SH3TC2: variants seen among roughly 807,000 people sequenced by gnomAD.
SH3TC2 encodes SH3 domain and tetratricopeptide repeats 2, also known as SH3 domain and tetratricopeptide repeat-containing protein 2.
In SH3TC2, 87 loss-of-function variants were observed where a neutral mutation model predicts 124.5. That is an observed-to-expected ratio of 0.70 (90% confidence interval 0.59 to 0.84). The LOEUF (loss-of-function observed/expected upper bound fraction) is 0.84. Among genes scored for constraint, SH3TC2 ranks in the 40% least tolerant of loss-of-function variants. The pLI, the probability that SH3TC2 is intolerant of heterozygous loss-of-function variation, is 0.00. For synonymous variants in SH3TC2, 634 were observed against 628.5 expected, an observed-to-expected ratio of 1.01 and a Z score of -0.13; for missense variants, 1,536 against 1,566.4, an observed-to-expected ratio of 0.98 and a Z score of 0.33.
At position 149,044,514 on chromosome 5, in the gene SH3TC2, T is replaced by C; in HGVS notation, c.385+19A>G. The stretch of plus-strand genomic sequence containing the variant: ...ATTGTGGAGGAGGTCATCCTCCACC[T>C]GCTTGCCTTGTACCATACCTAAATT... On this transcript the variant is annotated intron_variant, in intron 4 of 16. Transcript: ENST00000515425. 6.2e-7 allele frequency: 1 copy of C among 1,602,330 alleles called. No homozygotes were observed. Among genetic ancestry groups the C allele is most frequent in the South Asian group, 1.1e-5 (1 of 90,812 alleles).
At chr5:149,053,995 T>C (rs1319366070) in intron 1 of SH3TC2, among the ~76,000 whole-genome samples, 1 of 152,200 alleles carries the variant, frequency 6.6e-6, no homozygotes, top group Non-Finnish European at 1.5e-5. Context: ...ATGGGGTGAC[T>C]GTAGTCAACA....
Position 148,992,243 on chromosome 5 carries a change from C to T in SH3TC2, c.*12468G>A, listed in dbSNP as rs1480344264. Among the ~76,000 whole-genome samples the T allele has an allele frequency of 1.3e-5, 2 of 152,224 alleles. No homozygotes were observed. Among genetic ancestry groups the T allele is most frequent in the African/African-American group, 4.8e-5 (2 of 41,452 alleles). On this transcript the variant is annotated 3_prime_UTR_variant, in exon 17 of 17. Coordinates refer to ENST00000515425, the MANE Select transcript of SH3TC2 (RefSeq NM_024577.4). ...AGTGCCTTGCCCAAGGTCATGCACA[C>T]AGTGGGGATTTTTACCCAGGTAGCA...
rs1046547394 is a variant in SH3TC2, at chr5:148,999,199, C to G, written c.*5512G>C. Among the ~76,000 whole-genome samples, 1 of 152,186 alleles carries G rather than the reference C, an allele frequency of 6.6e-6. No individual in the cohort carries two copies. Among genetic ancestry groups the G allele is most frequent in the African/African-American group, 2.4e-5 (1 of 41,436 alleles). The stretch of plus-strand genomic sequence containing the variant: ...GACCCAAGTGTCCCTGAATGCAGGA[C>G]CAGGGTGCCTGGCCACACCTCCAGG... On this transcript the variant is annotated 3_prime_UTR_variant, in exon 17 of 17. Transcript: ENST00000515425.
At position 148,988,098 on chromosome 5, in the gene SH3TC2, A is replaced by C. The variant is rs1231177383; in HGVS notation, c.*16613T>G. Among the ~76,000 whole-genome samples the C allele has an allele frequency of 6.6e-6, 1 of 152,186 alleles. No individual in the cohort carries two copies. The highest frequency in any genetic ancestry group is 1.5e-5 in the Non-Finnish European group (1 of 68,038). ...ATTTTTCCTGCATGTCTTAAGGACA[A>C]GGCTGGGTTCTTTTGGCCTTACTGG... On this transcript the variant is annotated 3_prime_UTR_variant, in exon 17 of 17. Transcript: ENST00000515425.
At chr5:149,013,342 G>A (rs1753816636) in intron 12 of SH3TC2, among the ~76,000 whole-genome samples, 1 of 152,090 alleles carries the variant, frequency 6.6e-6, no homozygotes, top group African/African-American at 2.4e-5. Context: ...CATTTAAGAT[G>A]TGCCTTTGCT....
chr5:149,061,673 AAG>A (rs1416354443), intron 1 of SH3TC2, among the ~76,000 whole-genome samples: 1 of 152,222 alleles, frequency 6.6e-6, no homozygotes, highest in Admixed American at 6.5e-5. Context: ...CTCAAAGACC[AAG>A]TGAGTAGCCA....
At position 149,003,072 on chromosome 5, in the gene SH3TC2, A is replaced by G. The variant is rs1007400; in HGVS notation, c.*1639T>C. On this transcript the variant is annotated 3_prime_UTR_variant, in exon 17 of 17. Transcript: ENST00000515425. Reference sequence around the variant, plus strand: ...TGCTGATGCTGCTGGTTAGTGGACCATATTTTCAGTTTGCTGAAATTAGAG... The same window carrying G: ...TGCTGATGCTGCTGGTTAGTGGACCGTATTTTCAGTTTGCTGAAATTAGAG... 34,997 of 152,396 alleles carry G rather than the reference A, an allele frequency of 0.23. 4,548 individuals carry two copies. Among genetic ancestry groups the G allele is most frequent in the African/African-American group, 0.32 (13,372 of 41,500 alleles). The allele number at this position is 152,396 out of a possible 1,614,324, so 9.4% of individuals were successfully genotyped here.
intron 12 of SH3TC2, among the ~76,000 whole-genome samples, chr5:149,018,263 G>T (rs1332922589): frequency 6.6e-6 from 1 of 151,992 alleles, no homozygotes; most frequent in Non-Finnish European, 1.5e-5. Context: ...GTACAGGTCT[G>T]GATACCCATT....
chr5:149,055,916 C>A (rs1478848986), intron 1 of SH3TC2, among the ~76,000 whole-genome samples: 2 of 151,928 alleles, frequency 1.3e-5, no homozygotes, highest in African/African-American at 2.4e-5. Flanking sequence ...ACCCATCCCC[C>A]AAAAATTAAA....
In SH3TC2 at chr5:149,008,237, A is replaced by T. The variant is rs537217757; in HGVS notation, c.3478+614T>A. 1.9e-5 allele frequency: 3 copies of T among 159,536 alleles called. No individual in the cohort carries two copies. The East Asian group carries it at 5.5e-4, about 29-fold the overall frequency. The allele number at this position is 159,536 out of a possible 1,614,324, so 9.9% of individuals were successfully genotyped here. A position where few individuals can be genotyped will look rare whatever the true frequency, so the allele number is the denominator to read the frequency against. The stretch of plus-strand genomic sequence containing the variant: ...AACCTGCTTTTCTTCAAACACCAAC[A>T]TTCAAGATGAGGGGTTTTTAAATCT... On this transcript the variant is annotated intron_variant, in intron 15 of 16. Transcript: ENST00000515425.
Position 149,000,743 on chromosome 5 carries a change from C to T in SH3TC2, c.*3968G>A, listed in dbSNP as rs141949492. On this transcript the variant is annotated 3_prime_UTR_variant, in exon 17 of 17. Coordinates refer to ENST00000515425, the MANE Select transcript of SH3TC2 (RefSeq NM_024577.4). ...CTAAGTCCTTGAGTCATGAGACCCC[C>T]GCCTCAAGTACCACTGTCTTTGCCA... Among the ~76,000 whole-genome samples, 20 of 152,196 alleles carry T rather than the reference C, an allele frequency of 1.3e-4. No homozygotes were observed. Among genetic ancestry groups the T allele is most frequent in the Non-Finnish European group, 2.1e-4 (14 of 68,046 alleles).
At position 148,998,771 on chromosome 5, in the gene SH3TC2, C is replaced by T. The variant is rs1302133729; in HGVS notation, c.*5940G>A. Among the ~76,000 whole-genome samples, 1 of 152,144 alleles carries T rather than the reference C, an allele frequency of 6.6e-6. No homozygotes were observed. Among genetic ancestry groups the T allele is most frequent in the East Asian group, 1.9e-4 (1 of 5,188 alleles). The stretch of plus-strand genomic sequence containing the variant: ...AAGACACCCCTTAGAGGAGGGTGAA[C>T]GAAGTGCACATTCCCAGAGCCAGCA... On this transcript the variant is annotated 3_prime_UTR_variant, in exon 17 of 17. Coordinates refer to ENST00000515425, the MANE Select transcript of SH3TC2 (RefSeq NM_024577.4).
chr5:149,026,752 C>G lies in SH3TC2; in HGVS notation c.2873G>C (p.Ser958Thr), dbSNP rs1205847384. The change falls in exon 12 of 17, where the codon AGT becomes ACT. Residue 958 changes from serine (S) to threonine (T), a missense_variant and splice_region_variant. Ser to Thr is a moderately conservative substitution (Grantham distance 58). Around this residue, in one of 3 missense-constraint regions of SH3TC2, gnomAD observed 426 missense variants for 443.5 expected, o/e 0.96. Coordinates refer to ENST00000515425, the MANE Select transcript of SH3TC2 (RefSeq NM_024577.4). ...GAGGGATTTGGTGGCCTGAAGCTGA[C>G]CTGAACACAAAGCAGGGACATGAAT... Reference protein sequence around the residue: ...LFGLRHRHLKSQLQATKSLCH... With the variant: ...LFGLRHRHLKTQLQATKSLCH... 6.2e-7 allele frequency: 1 copy of G among 1,614,012 alleles called. No individual in the cohort carries two copies. The highest frequency in any genetic ancestry group is 1.7e-5 in the Admixed American group (1 of 60,004).
At position 148,996,668 on chromosome 5, in the gene SH3TC2, C is replaced by T. The variant is rs2127389397; in HGVS notation, c.*8043G>A. On this transcript the variant is annotated 3_prime_UTR_variant, in exon 17 of 17. Coordinates refer to ENST00000515425, the MANE Select transcript of SH3TC2 (RefSeq NM_024577.4). ...AATTCAGGGGCATTCCTATGAATGT[C>T]TCTATGAAGTAGATGTCAGATATAT... Among the ~76,000 whole-genome samples, 1 of 152,244 alleles carries T rather than the reference C, an allele frequency of 6.6e-6. No homozygotes were observed. The highest frequency in any genetic ancestry group is 1.9e-4 in the East Asian group (1 of 5,174).
At chr5:149,058,716 C>T (rs777435791) in intron 1 of SH3TC2, among the ~76,000 whole-genome samples, 12 of 151,980 alleles carry the variant, frequency 7.9e-5, no homozygotes, top group Admixed American at 2.0e-4. Flanking sequence ...AGCCAGCCTG[C>T]GCATGCTGGG....
At chr5:149,059,541 C>A (rs766595691) in intron 1 of SH3TC2, among the ~76,000 whole-genome samples, 1 of 151,160 alleles carries the variant, frequency 6.6e-6, no homozygotes, top group Non-Finnish European at 1.5e-5. Context: ...CTACCATCAG[C>A]AGTTTTTATG....
rs1408319932 is a variant in SH3TC2 at position 149,042,708 on chromosome 5, A to G, written c.515T>C (p.Leu172Pro). 3.1e-6 allele frequency: 5 copies of G among 1,614,006 alleles called. No homozygotes were observed. In the African/African-American group the frequency reaches 6.7e-5, roughly 22 times the overall value. ...DKHLETIYLG[L>P]LIQEGHFFCR... is the part of the protein sequence containing the mutation. ...GCCACACTCACCTTCCTGTATCAGGAGTCCCAGGTATATTGTTTCCAGGTG... is the reference window on the plus strand; with the variant it reads ...GCCACACTCACCTTCCTGTATCAGGGGTCCCAGGTATATTGTTTCCAGGTG... Residue 172 changes from leucine to proline, a missense_variant, in exon 5 of 17, where the codon CTC becomes CCC. By Grantham distance (98) the Leu-to-Pro change is moderately conservative. Coordinates refer to ENST00000515425, the MANE Select transcript of SH3TC2 (RefSeq NM_024577.4).
At chr5:149,030,216 T>C (rs1474148508) in intron 9 of SH3TC2, among the ~76,000 whole-genome samples, 1 of 152,154 alleles carries the variant, frequency 6.6e-6, no homozygotes, top group Non-Finnish European at 1.5e-5. Context: ...GTCCCCTCTC[T>C]AGGAGGAAGA....
intron 12 of SH3TC2, among the ~76,000 whole-genome samples, chr5:149,023,717 G>C (rs145931136): frequency 0.031 from 4,653 of 150,264 alleles, 236 homozygotes; most frequent in African/African-American, 0.11. Context: ...CAAGTAGCTG[G>C]GATTACAGGC....
Sources: gnomAD v4.1 joint callset for allele counts (sites outside exome capture counted in the v4.1 genomes callset) on GRCh38, gnomAD v4.1.1 for gene constraint, gnomAD v4.1.1 regional missense constraint, MANE v1.5 for transcripts, NCBI Gene and HGNC (gene_info 2026-07-23, HGNC 2026-07-21) for gene names.